Variants in SMCO4 observed in about 807,000 individuals in gnomAD.
The protein encoded by SMCO4 is single-pass membrane protein with coiled-coil domains 4.
SMCO4 carries 4 observed loss-of-function variants against 3.6 expected under a neutral mutation model. The ratio of observed to expected loss-of-function variants is 1.11; its 90% CI spans 0.54 to 2.53. SMCO4 has a LOEUF of 2.53. SMCO4 is among the 30% of genes most tolerant of loss of function. The pLI is 0.02. For synonymous variants in SMCO4, 36 were observed against 35.3 expected (o/e 1.02, Z -0.07); for missense variants, 70 against 80.8 (o/e 0.87, Z 0.51).
In SMCO4 at chr11:93,532,618, C is replaced by G. The variant is rs569595739; in HGVS notation, c.-154+10658G>C. 3.3e-5 allele frequency among the ~76,000 whole-genome samples: 5 copies of G among 152,326 alleles called. 1 individual carries two copies. In the South Asian group the frequency reaches 8.3e-4, roughly 25 times the overall value. ...TCTGTCTATGTCCTATTGGTTCTGT[C>G]TCTCTGGAGCACCCTGACTCATACA... On this transcript the variant is annotated intron_variant, in intron 1 of 2. Transcript: ENST00000298966.
At chr11:93,498,096 C>T (rs1948795691) in intron 2 of SMCO4, among the ~76,000 whole-genome samples, 1 of 152,026 alleles carries the variant, frequency 6.6e-6, no homozygotes, top group Admixed American at 6.6e-5. Context: ...TATTAAAAGC[C>T]TCACACTGAA....
chr11:93,504,323 G>C (rs1393685232), intron 1 of SMCO4, among the ~76,000 whole-genome samples: 1 of 152,158 alleles, frequency 6.6e-6, no homozygotes, highest in East Asian at 1.9e-4. Context: ...TTGAAAGCCT[G>C]TTGGTTTTCA....
chr11:93,541,219 C>T (rs78275035), intron 1 of SMCO4, among the ~76,000 whole-genome samples: 198 of 152,294 alleles, frequency 1.3e-3, no homozygotes, highest in African/African-American at 4.5e-3. Context: ...AGCTTATGAC[C>T]AGGAAGCTCT....
At chr11:93,517,831 CCTT>C (rs1392949672) in intron 1 of SMCO4, among the ~76,000 whole-genome samples, 40 of 152,368 alleles carry the variant, frequency 2.6e-4, no homozygotes, top group African/African-American at 8.4e-4. Context: ...ACTCCACACT[CCTT>C]CTCCTACCCG....
chr11:93,515,712 C>A (rs1232790199), intron 1 of SMCO4, among the ~76,000 whole-genome samples: 1 of 152,214 alleles, frequency 6.6e-6, no homozygotes, highest in African/African-American at 2.4e-5. Flanking sequence ...TGCAGCTTCA[C>A]GTTCCCATTT....
chr11:93,510,971 C>T (rs1948951436), intron 1 of SMCO4, among the ~76,000 whole-genome samples: 1 of 152,126 alleles, frequency 6.6e-6, no homozygotes, highest in Non-Finnish European at 1.5e-5. Context: ...TGGTGGCAGG[C>T]ACCTGTATAC....
At chr11:93,548,034 A>T (rs1949325866), upstream of SMCO4, among the ~76,000 whole-genome samples, 1 of 152,220 alleles carries the variant, frequency 6.6e-6, no homozygotes, top group South Asian at 2.1e-4. Flanking sequence ...GCCTGACTGC[A>T]GCTGCCAGGA....
At chr11:93,499,620 AG>A (rs1948815316) in intron 1 of SMCO4, among the ~76,000 whole-genome samples, 2 of 152,234 alleles carry the variant, frequency 1.3e-5, no homozygotes, top group African/African-American at 2.4e-5. Context: ...CCCAGCAGGC[AG>A]TCAAGCTTTG....
chr11:93,510,280 T>C (rs923849923), intron 1 of SMCO4, among the ~76,000 whole-genome samples: 3 of 152,182 alleles, frequency 2.0e-5, no homozygotes, highest in Non-Finnish European at 2.9e-5. Context: ...CAGAAAGCTC[T>C]CCAAGCTCAA....
intron 1 of SMCO4, among the ~76,000 whole-genome samples, chr11:93,500,536 T>G (rs3794008): frequency 0.12 from 18,153 of 152,194 alleles, 1,334 homozygotes; most frequent in Non-Finnish European, 0.17. Flanking sequence ...GCACTGATTT[T>G]GGTGAAGTCC....
chr11:93,534,269 TATATATATACATATATACACACACAC>T (rs1591328925), intron 1 of SMCO4, among the ~76,000 whole-genome samples: 2 of 143,898 alleles, frequency 1.4e-5, no homozygotes, highest in East Asian at 2.0e-4. Flanking sequence ...CACAAACACA[TATATATATACATATATACACACACAC>T]ATATATATAC....
intron 2 of SMCO4, chr11:93,481,550 T>C: frequency 1.0e-6 from 1 of 982,086 alleles, no homozygotes. Flanking sequence ...CCAACGGCCC[T>C]GTGAGTCAGA....
chr11:93,506,953 AC>A (rs1948910433), intron 1 of SMCO4, among the ~76,000 whole-genome samples: 2 of 152,198 alleles, frequency 1.3e-5, no homozygotes, highest in Non-Finnish European at 2.9e-5. Context: ...TTCACAGAAC[AC>A]CATCTTTCCT....
intron 2 of SMCO4, among the ~76,000 whole-genome samples, chr11:93,482,492 A>G (rs7949031): frequency 0.013 from 1,913 of 152,312 alleles, 36 homozygotes; most frequent in African/African-American, 0.043. Context: ...AAGAGAGATC[A>G]TGTCCAAGGC....
chr11:93,500,365 G>A (rs902595242), intron 1 of SMCO4, among the ~76,000 whole-genome samples: 1 of 152,202 alleles, frequency 6.6e-6, no homozygotes, highest in African/African-American at 2.4e-5. Context: ...TGCAGTAAAT[G>A]TAAACAGTTG....
chr11:93,487,840 C>A (rs1353990371), intron 2 of SMCO4, among the ~76,000 whole-genome samples: 1 of 152,210 alleles, frequency 6.6e-6, no homozygotes, highest in African/African-American at 2.4e-5. Flanking sequence ...TGATCCTGGG[C>A]AAGTAACTTA....
chr11:93,533,174 C>A (rs912843278), intron 1 of SMCO4, among the ~76,000 whole-genome samples: 4 of 152,180 alleles, frequency 2.6e-5, no homozygotes, highest in Non-Finnish European at 4.4e-5. Context: ...AGGAGAGCTG[C>A]TCCATGCAGG....
intron 2 of SMCO4, among the ~76,000 whole-genome samples, chr11:93,495,412 T>C (rs941703136): frequency 6.6e-6 from 1 of 152,088 alleles, no homozygotes; most frequent in Non-Finnish European, 1.5e-5. Context: ...TTCAGGTACG[T>C]GCTTTTCAGA....
At chr11:93,541,608 T>G (rs1565392880) in intron 1 of SMCO4, among the ~76,000 whole-genome samples, 1 of 152,078 alleles carries the variant, frequency 6.6e-6, no homozygotes, top group Non-Finnish European at 1.5e-5. Flanking sequence ...AAAATTCGGG[T>G]CCACAGGTGA....
Sources: gnomAD v4.1 joint callset for allele counts (sites outside exome capture counted in the v4.1 genomes callset) on GRCh38, gnomAD v4.1.1 for gene constraint, MANE v1.5 for transcripts, NCBI Gene and HGNC (gene_info 2026-07-23, HGNC 2026-07-21) for gene names.